VRK1: variants seen among roughly 807,000 people sequenced by gnomAD.
VRK1 encodes VRK serine/threonine kinase 1, also known as serine/threonine-protein kinase VRK1.
VRK1 carries 33 observed loss-of-function variants against 57.1 expected under a neutral mutation model. The observed-to-expected ratio is 0.58, with a 90% CI of 0.44 to 0.77. The LOEUF is 0.77. VRK1 is among the 30% of genes least tolerant of loss of function. The pLI is 0.00. For synonymous variants in VRK1, 137 were observed against 147.8 expected (o/e 0.93, Z 0.53); for missense variants, 413 against 477.3 (o/e 0.87, Z 1.25).
intron 1 of VRK1, among the ~76,000 whole-genome samples, chr14:96,819,613 C>T (rs1367827710): frequency 6.6e-6 from 1 of 152,168 alleles, no homozygotes; most frequent in Non-Finnish European, 1.5e-5. Flanking sequence ...GGAGCCATTG[C>T]AGTCAACACA....
chr14:96,805,939 T>C (rs1242011852), intron 1 of VRK1, among the ~76,000 whole-genome samples: 2 of 152,208 alleles, frequency 1.3e-5, no homozygotes, highest in Non-Finnish European at 2.9e-5. Context: ...CAAGAATATT[T>C]CACTTGTGAT....
chr14:96,821,567 T>G (rs1886598798), intron 1 of VRK1, among the ~76,000 whole-genome samples: 1 of 152,242 alleles, frequency 6.6e-6, no homozygotes, highest in African/African-American at 2.4e-5. Flanking sequence ...TAAATGCAAT[T>G]ATTGCTTTTT....
At chr14:96,852,795 G>T in intron 5 of VRK1, 36 bp from the exon 6 acceptor site, 3 of 1,561,504 alleles carry the variant, frequency 1.9e-6, no homozygotes, top group Non-Finnish European at 2.6e-6. Flanking sequence ...TTCTTGCATT[G>T]TATTTTGTTC....
At chr14:96,824,091 C>T (rs1886710129) in intron 1 of VRK1, among the ~76,000 whole-genome samples, 1 of 152,042 alleles carries the variant, frequency 6.6e-6, no homozygotes, top group African/African-American at 2.4e-5. Context: ...CCTGAATTTC[C>T]AAAGATCTTA....
chr14:96,855,468 G>T, intron 8 of VRK1, 112 bp downstream of exon 8: 4 of 1,520,318 alleles, frequency 2.6e-6, no homozygotes, highest in Non-Finnish European at 3.6e-6. Flanking sequence ...AATTGAAAAG[G>T]CACAGTGGCA....
At chr14:96,865,281 T>C (rs10135704) in intron 11 of VRK1, among the ~76,000 whole-genome samples, 20,241 of 152,166 alleles carry the variant, frequency 0.13, 1,683 homozygotes, top group Non-Finnish European at 0.19. Flanking sequence ...GGATATCTAG[T>C]TGATCTCAAC....
At chr14:96,843,827 A>G (rs1395977017) in intron 3 of VRK1, among the ~76,000 whole-genome samples, 2 of 152,194 alleles carry the variant, frequency 1.3e-5, no homozygotes, top group Non-Finnish European at 2.9e-5. Flanking sequence ...TTATTTTGTG[A>G]TAATGGAAGT....
intron 1 of VRK1, among the ~76,000 whole-genome samples, chr14:96,808,002 C>CCTCTCTCCGTCTCTCCGTCTCTCTCTCT (rs149250994): frequency 8.5e-6 from 1 of 118,140 alleles, no homozygotes; most frequent in African/African-American, 3.6e-5. Flanking sequence ...TCCCTCTCTC[C>CCTCTCTCCGTCTCTCCGTCTCTCTCTCT]CTCTCTCTCT....
At chr14:96,844,798 T>C (rs532382563) in intron 3 of VRK1, among the ~76,000 whole-genome samples, 1 of 152,160 alleles carries the variant, frequency 6.6e-6, no homozygotes, top group African/African-American at 2.4e-5. Flanking sequence ...CGTCTTGGCC[T>C]CCCAAAGTGC....
intron 1 of VRK1, among the ~76,000 whole-genome samples, chr14:96,814,953 C>G (rs1190185211): frequency 6.6e-6 from 1 of 152,082 alleles, no homozygotes; most frequent in Non-Finnish European, 1.5e-5. Context: ...AAGGATCTTT[C>G]TAGTCTTTTA....
chr14:96,860,511 A>G, intron 10 of VRK1, 46 bp from the exon 11 acceptor site: 1 of 1,552,272 alleles, frequency 6.4e-7, no homozygotes, highest in Admixed American at 1.7e-5. Context: ...TAGAGGTTAG[A>G]GAGAAATATA....
intron 1 of VRK1, among the ~76,000 whole-genome samples, chr14:96,806,302 C>T (rs1273943189): frequency 6.6e-6 from 1 of 152,194 alleles, no homozygotes; most frequent in Non-Finnish European, 1.5e-5. Context: ...CTTCTTGGCT[C>T]TTACAGAAGT....
At chr14:96,812,163 T>C (rs943059042) in intron 1 of VRK1, among the ~76,000 whole-genome samples, 15 of 152,226 alleles carry the variant, frequency 9.9e-5, no homozygotes, top group Non-Finnish European at 2.1e-4. Context: ...GTGTACCAAA[T>C]TTGATTTATC....
At chr14:96,822,658 G>A (rs1203180286) in intron 1 of VRK1, among the ~76,000 whole-genome samples, 2 of 152,174 alleles carry the variant, frequency 1.3e-5, no homozygotes, top group Non-Finnish European at 2.9e-5. Flanking sequence ...TATAACAAAT[G>A]TAAAATCTTT....
At chr14:96,879,171 C>A (rs978750194) in intron 12 of VRK1, among the ~76,000 whole-genome samples, 16 of 151,872 alleles carry the variant, frequency 1.1e-4, no homozygotes, top group Admixed American at 1.0e-3. Flanking sequence ...ATACATTAGT[C>A]TTCTGATTGG....
At chr14:96,831,036 C>T (rs547907384) in intron 1 of VRK1, among the ~76,000 whole-genome samples, 12 of 152,300 alleles carry the variant, frequency 7.9e-5, no homozygotes, top group African/African-American at 2.9e-4. Flanking sequence ...ACCCCTTGCA[C>T]TTCCTGGCTG....
Position 96,852,825 on chromosome 14 carries a change from C to T in VRK1, c.375-6C>T, listed in dbSNP as rs770594833. 1.9e-6 allele frequency: 3 copies of T among 1,610,872 alleles called. No individual in the cohort carries two copies. The highest frequency in any genetic ancestry group is 2.5e-6 in the Non-Finnish European group (3 of 1,177,322). ...TTGTTCATTGGCTTTTCATATTTGT[C>T]TTCAGTTACAGGTTTATGATAATGG... On this transcript the variant is annotated splice_polypyrimidine_tract_variant and splice_region_variant and intron_variant, in intron 5 of 12. Transcript: ENST00000216639.
At chr14:96,833,420 C>T in intron 1 of VRK1, 47 bp from the exon 2 acceptor site, 2 of 1,607,446 alleles carry the variant, frequency 1.2e-6, no homozygotes, top group Admixed American at 1.7e-5. Context: ...ATGTTTTAAA[C>T]ACTTCTAAGA....
intron 1 of VRK1, among the ~76,000 whole-genome samples, chr14:96,798,121 A>G (rs530104295): frequency 3.4e-4 from 51 of 152,236 alleles, no homozygotes; most frequent in Non-Finnish European, 6.6e-4. Context: ...GTGATCCTGT[A>G]CTTGAGGGTC....
Sources: gnomAD v4.1 joint callset for allele counts (sites outside exome capture counted in the v4.1 genomes callset) on GRCh38, gnomAD v4.1.1 for gene constraint, MANE v1.5 for transcripts, NCBI Gene and HGNC (gene_info 2026-07-23, HGNC 2026-07-21) for gene names.